Variants in SLC8A2 observed in about 807,000 individuals in gnomAD.
SLC8A2 encodes the protein solute carrier family 8 member A2, also known as sodium/calcium exchanger 2.
In SLC8A2, 14 loss-of-function variants were observed where a neutral mutation model predicts 70.2. The observed-to-expected ratio is 0.20, with a 90% CI of 0.13 to 0.31. The LOEUF (loss-of-function observed/expected upper bound fraction) is 0.31. Ranked by LOEUF, SLC8A2 falls within the 10% of genes least tolerant of loss-of-function variation. SLC8A2 has a pLI of 1.00. For synonymous variants in SLC8A2, 575 were observed against 594.3 expected (o/e 0.97, Z 0.47); for missense variants, 779 against 1,320.1 (o/e 0.59, Z 6.35).
rs1472341754 is a variant in SLC8A2 at position 47,439,640 on chromosome 19, T to TCCTC, written c.1885+1525_1885+1528dup. ...TTTCTTCCTTCCTTCCTTCCTTCCTTCCTCCCCTCCCTCCCTCTCTCTCTC... is the reference window on the plus strand; with the variant it reads ...TTTCTTCCTTCCTTCCTTCCTTCCTTCCTCCCTCCCCTCCCTCCCTCTCTCTCTC... On this transcript the variant is annotated intron_variant, in intron 6 of 9. Transcript: ENST00000236877. Among the ~76,000 whole-genome samples, 31 of 149,804 alleles carry TCCTC rather than the reference T, an allele frequency of 2.1e-4. 1 individual carries two copies. Among genetic ancestry groups the TCCTC allele is most frequent in the Middle Eastern group, 3.4e-3 (1 of 294 alleles).
rs1206968485 is a variant in SLC8A2 at position 47,428,056 on chromosome 19, C to T, written c.*2033G>A. 6.6e-6 allele frequency: 1 copy of T among 152,250 alleles called. No homozygotes were observed. Among genetic ancestry groups the T allele is most frequent in the Non-Finnish European group, 1.5e-5 (1 of 68,084 alleles). The allele number at this position is 152,250 out of a possible 1,614,324, so 9.4% of individuals were successfully genotyped here. ...ATTACTTGCTTTATTTAGGAAACCC[C>T]ATCAACCCCAGCTCTTTGGCTCAGG... On this transcript the variant is annotated 3_prime_UTR_variant, in exon 10 of 10. Transcript: ENST00000236877.
intron 2 of SLC8A2, among the ~76,000 whole-genome samples, chr19:47,462,768 A>G (rs755479371): frequency 1.3e-5 from 2 of 150,926 alleles, no homozygotes; most frequent in Non-Finnish European, 2.9e-5. Context: ...TTGTATTTTT[A>G]GTAGAGACAG....
At chr19:47,463,191 G>A (rs1014211535) in intron 2 of SLC8A2, among the ~76,000 whole-genome samples, 4 of 151,556 alleles carry the variant, frequency 2.6e-5, no homozygotes, top group East Asian at 4.0e-4. Flanking sequence ...TGAGTGCAGC[G>A]GCGCGATCTT....
chr19:47,445,983 G>A (rs1251328773), intron 4 of SLC8A2, among the ~76,000 whole-genome samples: 1 of 152,200 alleles, frequency 6.6e-6, no homozygotes, highest in Non-Finnish European at 1.5e-5. Flanking sequence ...GAGTCAGAGA[G>A]CGAGGTGCTG....
At chr19:47,462,999 G>A (rs146140988) in intron 2 of SLC8A2, among the ~76,000 whole-genome samples, 300 of 152,182 alleles carry the variant, frequency 2.0e-3, no homozygotes, top group African/African-American at 6.9e-3. Flanking sequence ...TGCATGCAAT[G>A]GTTTCTGATC....
Position 47,466,192 on chromosome 19 carries a change from C to T in SLC8A2, c.212G>A (p.Arg71Gln). The change falls in exon 2 of 10, where the codon CGG (arginine) becomes CAG (glutamine). Residue 71 changes from arginine (R) to glutamine (Q), a missense_variant. By Grantham distance (43) the Arg-to-Gln change is conservative (BLOSUM62 1). Transcript: ENST00000236877. This position sits in a 1 kb window ranked among gnomAD's most constrained non-coding sequence, Gnocchi z 6.9. ...CATGGCCACAAAGTACACCACTGCCCGTGCCGCCTTGTCACCCAGCGACGG... is the reference window on the plus strand; with the variant it reads ...CATGGCCACAAAGTACACCACTGCCTGTGCCGCCTTGTCACCCAGCGACGG... ...DDPSLGDKAARAVVYFVAMVY... is the reference protein window; with the variant it reads ...DDPSLGDKAAQAVVYFVAMVY... 1.9e-6 allele frequency: 3 copies of T among 1,613,388 alleles called. No homozygotes were observed. Among genetic ancestry groups the T allele is most frequent in the Non-Finnish European group, 2.5e-6 (3 of 1,179,356 alleles).
intron 8 of SLC8A2, among the ~76,000 whole-genome samples, chr19:47,433,874 C>T (rs1568439267): frequency 6.6e-6 from 1 of 152,180 alleles, no homozygotes; most frequent in Non-Finnish European, 1.5e-5. Context: ...AAACTCCTGG[C>T]CTCAACTGAT....
intron 5 of SLC8A2, 52 bp from the exon 6 acceptor site, chr19:47,441,238 C>G: frequency 6.2e-7 from 1 of 1,610,600 alleles, no homozygotes; most frequent in Non-Finnish European, 8.5e-7. Context: ...CCACGAAGCT[C>G]AGGTCCACGA....
intron 3 of SLC8A2, among the ~76,000 whole-genome samples, chr19:47,453,991 T>C (rs997861540): frequency 6.6e-6 from 1 of 151,514 alleles, no homozygotes; most frequent in Admixed American, 6.6e-5. Context: ...ACAAAAAATA[T>C]ATAAATTAGC....
At chr19:47,437,132 A>C (rs147979035) in intron 8 of SLC8A2, among the ~76,000 whole-genome samples, 1 of 151,804 alleles carries the variant, frequency 6.6e-6, no homozygotes, top group Non-Finnish European at 1.5e-5. Flanking sequence ...TGCACCGTTC[A>C]TTCTGTCTCA....
In SLC8A2 at chr19:47,453,777, T is replaced by G. The variant is rs181206799; in HGVS notation, c.1340+3153A>C. Among the ~76,000 whole-genome samples, 3 of 152,130 alleles carry G rather than the reference T, an allele frequency of 2.0e-5. No homozygotes were observed. In the East Asian group the frequency reaches 5.8e-4, roughly 29 times the overall value. ...CAACAACAACAACAACAAAAACAAT[T>G]AGCCAGGCTTGGTGGCATGTGCCTG... On this transcript the variant is annotated intron_variant, in intron 3 of 9. Coordinates refer to ENST00000236877, the MANE Select transcript of SLC8A2 (RefSeq NM_015063.3).
At chr19:47,451,813 T>C (rs1044768243) in intron 3 of SLC8A2, among the ~76,000 whole-genome samples, 6 of 152,138 alleles carry the variant, frequency 3.9e-5, no homozygotes, top group African/African-American at 1.2e-4. Flanking sequence ...CAAACCCAGA[T>C]TGAGAATCAT....
intron 3 of SLC8A2, among the ~76,000 whole-genome samples, chr19:47,456,525 G>A (rs1967305062): frequency 6.6e-6 from 1 of 152,182 alleles, no homozygotes; most frequent in South Asian, 2.1e-4. Context: ...AATAAGCCGG[G>A]TGTGGTGGCA....
intron 9 of SLC8A2, among the ~76,000 whole-genome samples, chr19:47,431,491 A>G (rs887283253): frequency 7.3e-5 from 11 of 151,418 alleles, no homozygotes; most frequent in African/African-American, 2.4e-4. Context: ...TCTACTAAAA[A>G]CGTAAAAATT....
Position 47,447,532 on chromosome 19 carries a change from C to A in SLC8A2, c.1763+277G>T. 1 of 504,642 alleles carries A rather than the reference C, an allele frequency of 2.0e-6. No individual in the cohort carries two copies. Among genetic ancestry groups the A allele is most frequent in the Admixed American group, 4.0e-5 (1 of 25,086 alleles). The allele number at this position is 504,642 out of a possible 1,614,324, so 31.3% of individuals were successfully genotyped here. On this transcript the variant is annotated intron_variant, in intron 4 of 9. Coordinates refer to ENST00000236877, the MANE Select transcript of SLC8A2 (RefSeq NM_015063.3). This position sits in a 1 kb window ranked among gnomAD's most constrained non-coding sequence, Gnocchi z 5.1. ...AGACACAGCACACCTAGGCCCCGCCCCTCCCGAGGCCAAGCCCACTTTGGA... is the reference window on the plus strand; with the variant it reads ...AGACACAGCACACCTAGGCCCCGCCACTCCCGAGGCCAAGCCCACTTTGGA...
intron 1 of SLC8A2, among the ~76,000 whole-genome samples, chr19:47,470,474 GCAGA>G (rs950316850): frequency 6.6e-5 from 10 of 152,030 alleles, no homozygotes; most frequent in African/African-American, 2.4e-4. Context: ...CTCAAGGAAG[GCAGA>G]CAGTGTGTTG....
intron 2 of SLC8A2, among the ~76,000 whole-genome samples, chr19:47,457,954 A>G (rs1012268401): frequency 1.3e-5 from 2 of 151,426 alleles, no homozygotes; most frequent in African/African-American, 4.9e-5. Flanking sequence ...CGGTTCAAGC[A>G]GTTTTCCTGC....
At chr19:47,458,654 C>CT (rs1491334804) in intron 2 of SLC8A2, among the ~76,000 whole-genome samples, 1 of 138,508 alleles carries the variant, frequency 7.2e-6, no homozygotes, top group Admixed American at 7.8e-5. Context: ...CTGTCCCTCC[C>CT]TTTTTGTCTC....
Position 47,456,002 on chromosome 19 carries a change from T to C in SLC8A2, c.1340+928A>G, listed in dbSNP as rs1967298838. On this transcript the variant is annotated intron_variant, in intron 3 of 9. Coordinates refer to ENST00000236877, the MANE Select transcript of SLC8A2 (RefSeq NM_015063.3). ...ATAGCACTTATTGCCACTTCAAGTT[T>C]TTATATGTTTAGTAGTTTATATCCT... 2.6e-5 allele frequency among the ~76,000 whole-genome samples: 4 copies of C among 152,234 alleles called. No individual in the cohort carries two copies. The South Asian group carries it at 8.3e-4, about 32-fold the overall frequency.
Sources: allele counts gnomAD v4.1 joint callset (sites outside exome capture counted in the v4.1 genomes callset), GRCh38; gene constraint gnomAD v4.1.1; non-coding constraint Gnocchi (gnomAD v3.1); transcripts MANE v1.5; gene names NCBI Gene and HGNC (gene_info 2026-07-23, HGNC 2026-07-21).